Variants in NRCAM observed in about 807,000 individuals in gnomAD.
NRCAM encodes the protein neuronal cell adhesion molecule.
In NRCAM, 83 loss-of-function variants were observed where a neutral mutation model predicts 156.5. That is an observed-to-expected ratio of 0.53 (90% CI 0.44 to 0.64). NRCAM has a LOEUF of 0.64. NRCAM is among the 30% of genes least tolerant of loss of function. The probability of loss-of-function intolerance (pLI) is 0.00; values close to 1 mark genes in which losing one functional copy is unlikely to be tolerated. For synonymous variants in NRCAM, 538 were observed against 563.9 expected (o/e 0.95, Z 0.65); for missense variants, 1,417 against 1,597.3 (o/e 0.89, Z 1.92).
chr7:108,244,152 A>C (rs963338242), intron 3 of NRCAM, among the ~76,000 whole-genome samples: 6 of 152,142 alleles, frequency 3.9e-5, no homozygotes, highest in African/African-American at 1.4e-4. Context: ...CTCTACCAGA[A>C]TTTGAAGGCC....
At chr7:108,319,035 A>G (rs1031391174) in intron 2 of NRCAM, among the ~76,000 whole-genome samples, 5 of 152,234 alleles carry the variant, frequency 3.3e-5, no homozygotes, top group Non-Finnish European at 7.3e-5. Flanking sequence ...ATCTGGGATG[A>G]TGAAAACATT....
chr7:108,168,542 C>T, intron 28 of NRCAM, 140 bp from the exon 29 acceptor site: 2 of 735,068 alleles, frequency 2.7e-6, no homozygotes, highest in Non-Finnish European at 3.8e-6. Context: ...TTCACTCATG[C>T]TTTGCTTTCA....
chr7:108,269,762 G>T (rs77552257), intron 3 of NRCAM, among the ~76,000 whole-genome samples: 3,518 of 152,236 alleles, frequency 0.023, 52 homozygotes, highest in Non-Finnish European at 0.035. Context: ...AATAAATTGG[G>T]TTCAATGCAA....
Position 108,191,717 on chromosome 7 carries a change from T to C in NRCAM, c.1903+12A>G, listed in dbSNP as rs1332006850. ...GGGAAGCCAGTTGTGCTATTTTTGT[T>C]TTCGTTCTTACCAACAACGCTAAGC... On this transcript the variant is annotated intron_variant, in intron 18 of 32. Coordinates refer to ENST00000379028, the MANE Select transcript of NRCAM (RefSeq NM_001037132.4). 2.5e-6 allele frequency: 4 copies of C among 1,579,936 alleles called. No homozygotes were observed. In the South Asian group the frequency reaches 4.6e-5, roughly 18 times the overall value.
intron 3 of NRCAM, among the ~76,000 whole-genome samples, chr7:108,299,384 G>T (rs994329322): frequency 2.6e-5 from 4 of 152,042 alleles, no homozygotes; most frequent in African/African-American, 7.2e-5. Context: ...TCATTACCAC[G>T]ATTTCTATTA....
chr7:108,226,301 C>G lies in NRCAM; in HGVS notation c.628G>C (p.Glu210Gln). Residue 210 changes from glutamate to glutamine, a missense_variant, in exon 9 of 33, where the codon GAG (glutamate) becomes CAG (glutamine). By Grantham distance (29) the Glu-to-Gln change is conservative. Coordinates refer to ENST00000379028, the MANE Select transcript of NRCAM (RefSeq NM_001037132.4). ...GDLYFSNVLP[E>Q]DTREDYICYA... is the part of the protein sequence containing the mutation. ...CAGATATAGTCTTCGCGGGTGTCCT[C>G]TGGGAGGACATTGGAAAAATAAAGG... The G allele has an allele frequency of 6.2e-7, 1 of 1,610,320 alleles. No homozygotes were observed. The highest frequency in any genetic ancestry group is 1.1e-5 in the South Asian group (1 of 90,950).
chr7:108,238,927 A>AAAC (rs555685767), intron 4 of NRCAM, among the ~76,000 whole-genome samples: 17 of 151,604 alleles, frequency 1.1e-4, no homozygotes, highest in Admixed American at 3.9e-4. Flanking sequence ...TGGTAATAAT[A>AAAC]AATAATAATA....
At chr7:108,397,904 TAAG>T (rs1294640642) in intron 2 of NRCAM, among the ~76,000 whole-genome samples, 3 of 152,016 alleles carry the variant, frequency 2.0e-5, no homozygotes, top group Non-Finnish European at 4.4e-5. Flanking sequence ...GCCAAGAAAA[TAAG>T]AAGAAATACT....
chr7:108,250,425 C>CA (rs34274206), intron 3 of NRCAM, among the ~76,000 whole-genome samples: 20,911 of 67,516 alleles, frequency 0.31, 3,759 homozygotes, highest in East Asian at 0.59. Flanking sequence ...CATCTTACCT[C>CA]AAAAAAAAAA....
At chr7:108,200,148 T>A (rs2077198561) in intron 13 of NRCAM, among the ~76,000 whole-genome samples, 1 of 152,226 alleles carries the variant, frequency 6.6e-6, no homozygotes, top group Non-Finnish European at 1.5e-5. Flanking sequence ...CAACTAGTTA[T>A]GTGGGGGTGT....
chr7:108,332,706 G>A (rs751334190), intron 2 of NRCAM, among the ~76,000 whole-genome samples: 2 of 152,122 alleles, frequency 1.3e-5, no homozygotes, highest in African/African-American at 4.8e-5. Flanking sequence ...TTTATATAGC[G>A]CCTCTTTATG....
intron 32 of NRCAM, among the ~76,000 whole-genome samples, chr7:108,151,479 G>C (rs408766): frequency 0.6 from 90,707 of 151,772 alleles, 30,608 homozygotes; most frequent in East Asian, 0.83. Context: ...TGGCTCTTTT[G>C]ACAATAACTT....
intron 1 of NRCAM, among the ~76,000 whole-genome samples, chr7:108,441,765 A>T (rs1335602940): frequency 6.6e-6 from 1 of 152,234 alleles, no homozygotes; most frequent in Non-Finnish European, 1.5e-5. Context: ...CCGTGGGCCA[A>T]ATCTGGCCTG....
chr7:108,202,102 A>G (rs12531607), intron 13 of NRCAM, among the ~76,000 whole-genome samples: 45,673 of 152,002 alleles, frequency 0.3, 7,184 homozygotes, highest in Non-Finnish European at 0.33. Flanking sequence ...CATTAATTCT[A>G]GGAATAACCA....
intron 2 of NRCAM, among the ~76,000 whole-genome samples, chr7:108,397,237 A>T (rs1477507468): frequency 1.3e-5 from 2 of 152,240 alleles, no homozygotes; most frequent in African/African-American, 2.4e-5. Flanking sequence ...AAAAAGTGAC[A>T]GATTCGTGGA....
intron 2 of NRCAM, among the ~76,000 whole-genome samples, chr7:108,380,201 A>C (rs1015911798): frequency 6.6e-6 from 1 of 152,250 alleles, no homozygotes; most frequent in South Asian, 2.1e-4. Context: ...ATCACATTGA[A>C]TAAATCTCAT....
At chr7:108,199,551 GC>G (rs2076867390) in intron 13 of NRCAM, among the ~76,000 whole-genome samples, 2 of 152,174 alleles carry the variant, frequency 1.3e-5, no homozygotes, top group Non-Finnish European at 2.9e-5. Flanking sequence ...GCCTTTTCCA[GC>G]CTCTGGAGGC....
chr7:108,191,856 G>A lies in NRCAM; in HGVS notation c.1779-3C>T. The A allele has an allele frequency of 3.7e-6, 6 of 1,612,994 alleles. No homozygotes were observed. Among genetic ancestry groups the A allele is most frequent in the Non-Finnish European group, 5.1e-6 (6 of 1,179,792 alleles). On this transcript the variant is annotated splice_region_variant and splice_polypyrimidine_tract_variant and intron_variant, in intron 17 of 32. Transcript: ENST00000379028. ...GATGATCCTTGTCAACAGTGAACCT[G>A]TGGATAGAATGCATTCAGAGCAGCT...
At chr7:108,307,040 A>T (rs930213557) in intron 3 of NRCAM, among the ~76,000 whole-genome samples, 1 of 152,244 alleles carries the variant, frequency 6.6e-6, no homozygotes, top group African/African-American at 2.4e-5. Flanking sequence ...TCCTATGAAC[A>T]TCATAGTTTA....
Sources: gnomAD v4.1 joint callset for allele counts (sites outside exome capture counted in the v4.1 genomes callset) on GRCh38, gnomAD v4.1.1 for gene constraint, MANE v1.5 for transcripts, NCBI Gene and HGNC (gene_info 2026-07-23, HGNC 2026-07-21) for gene names.